SLC2A1: variants seen among roughly 807,000 people sequenced by gnomAD.
The protein encoded by SLC2A1 is solute carrier family 2, facilitated glucose transporter member 1.
A neutral mutation model predicts 46.6 loss-of-function variants in SLC2A1; 4 were observed. The ratio of observed to expected loss-of-function variants is 0.09; its 90% CI spans 0.04 to 0.20. The LOEUF is 0.20. SLC2A1 is among the 10% of genes least tolerant of loss of function. The pLI is 1.00. For synonymous variants in SLC2A1, 253 were observed against 270.0 expected (o/e 0.94, Z 0.62); for missense variants, 352 against 667.0 (o/e 0.53, Z 5.20).
Position 42,936,254 on chromosome 1 carries a change from C to T in SLC2A1, c.115-5048G>A, listed in dbSNP as rs1643541635. On this transcript the variant is annotated intron_variant, in intron 2 of 9. Coordinates refer to ENST00000426263, the MANE Select transcript of SLC2A1 (RefSeq NM_006516.4). Reference sequence around the variant, plus strand: ...TGTGGGGAAGAAGGGGCTAAACTGCCAGCCAAGCTTTCAGCGCCAGTTACA... The same window carrying T: ...TGTGGGGAAGAAGGGGCTAAACTGCTAGCCAAGCTTTCAGCGCCAGTTACA... Among the ~76,000 whole-genome samples the T allele has an allele frequency of 2.0e-5, 3 of 152,322 alleles. No individual in the cohort carries two copies. The South Asian group carries it at 6.2e-4, about 32-fold the overall frequency.
intron 2 of SLC2A1, among the ~76,000 whole-genome samples, chr1:42,932,892 G>A (rs571993460): frequency 1.1e-3 from 160 of 152,340 alleles, no homozygotes; most frequent in African/African-American, 3.5e-3. Context: ...TCCAAGGGGC[G>A]AGGACAGTTG....
intron 1 of SLC2A1, among the ~76,000 whole-genome samples, chr1:42,956,399 T>C (rs1410129092): frequency 1.9e-5 from 1 of 53,954 alleles, no homozygotes; most frequent in Admixed American, 2.3e-4. Flanking sequence ...CCGTCTCTAC[T>C]AAAACTACAA....
chr1:42,957,352 T>G (rs1218602843), intron 1 of SLC2A1, among the ~76,000 whole-genome samples: 1 of 152,176 alleles, frequency 6.6e-6, no homozygotes, highest in Non-Finnish European at 1.5e-5. Context: ...ATTTATGGAT[T>G]CAACAGGTGT....
chr1:42,941,654 G>A (rs1425734406), intron 2 of SLC2A1, among the ~76,000 whole-genome samples: 1 of 152,190 alleles, frequency 6.6e-6, no homozygotes, highest in Non-Finnish European at 1.5e-5. Context: ...CAGCATCCCA[G>A]ACCAATTAAA....
chr1:42,928,683 G>A (rs1354750686), intron 8 of SLC2A1, among the ~76,000 whole-genome samples: 1 of 152,152 alleles, frequency 6.6e-6, no homozygotes, highest in Admixed American at 6.5e-5. Flanking sequence ...TCCTTAAGGA[G>A]GTGAGAGTTT....
intron 1 of SLC2A1, among the ~76,000 whole-genome samples, chr1:42,951,389 G>A (rs903408286): frequency 2.6e-5 from 4 of 152,176 alleles, no homozygotes; most frequent in African/African-American, 7.2e-5. Context: ...TACATATTGT[G>A]TAAGGAACAG....
intron 1 of SLC2A1, among the ~76,000 whole-genome samples, chr1:42,958,336 C>A (rs1643803107): frequency 1.3e-5 from 2 of 151,124 alleles, no homozygotes; most frequent in Admixed American, 1.3e-4. Flanking sequence ...GTCCCCAGCC[C>A]CAGCAGGGCC....
At chr1:42,945,537 C>T (rs1643644575) in intron 1 of SLC2A1, among the ~76,000 whole-genome samples, 1 of 151,888 alleles carries the variant, frequency 6.6e-6, no homozygotes, top group African/African-American at 2.4e-5. Flanking sequence ...AGCTTGAGGC[C>T]AGGAGTTCGA....
intron 2 of SLC2A1, among the ~76,000 whole-genome samples, chr1:42,933,452 C>T (rs528411330): frequency 1.4e-4 from 22 of 152,278 alleles, no homozygotes; most frequent in Admixed American, 1.4e-3. Flanking sequence ...AGTTGATTCA[C>T]ACCATGGTCT....
chr1:42,943,519 G>A (rs772314996), intron 1 of SLC2A1, among the ~76,000 whole-genome samples, 198 bp from the exon 2 acceptor site: 1 of 152,138 alleles, frequency 6.6e-6, no homozygotes, highest in Non-Finnish European at 1.5e-5. Flanking sequence ...ATACTGGGCT[G>A]GCCGGGCCAT....
chr1:42,958,748 G>T lies in SLC2A1; in HGVS notation c.-97C>A. ...CCGCTCAGGCTCGTGCTCCGGTCCG[G>T]GGACTCCCACTGCGACTCTGACTCC... On this transcript the variant is annotated 5_prime_UTR_variant, in exon 1 of 10. Transcript: ENST00000426263. 7.6e-7 allele frequency: 1 copy of T among 1,319,926 alleles called. No individual in the cohort carries two copies. Among genetic ancestry groups the T allele is most frequent in the Non-Finnish European group, 1.0e-6 (1 of 959,620 alleles). The allele number at this position is 1,319,926 out of a possible 1,614,324, so 81.8% of individuals were successfully genotyped here. A position where few individuals can be genotyped will look rare whatever the true frequency, so the allele number is the denominator to read the frequency against.
intron 1 of SLC2A1, among the ~76,000 whole-genome samples, chr1:42,955,537 G>A (rs1643763409): frequency 6.6e-6 from 1 of 152,184 alleles, no homozygotes; most frequent in Non-Finnish European, 1.5e-5. Context: ...TTGAGCCTGG[G>A]AGGTAGAGGT....
At chr1:42,931,827 CAAAAAAAAAA>C (rs35734592) in intron 2 of SLC2A1, among the ~76,000 whole-genome samples, 3 of 106,272 alleles carry the variant, frequency 2.8e-5, no homozygotes, top group South Asian at 6.8e-4. Flanking sequence ...CTCTATGTCT[CAAAAAAAAAA>C]AAAAAAAAAG....
chr1:42,946,340 T>C (rs1348450454), intron 1 of SLC2A1, among the ~76,000 whole-genome samples: 1 of 152,176 alleles, frequency 6.6e-6, no homozygotes, highest in East Asian at 1.9e-4. Flanking sequence ...CAGTGACCCA[T>C]GCTCTAGGTC....
rs565582103 is a variant in SLC2A1, at chr1:42,955,995, C to T, written c.18+2639G>A. ...AACCAAGGCTTTGGAGCCAGACACACCTGGTTTTCAGATCTTGTGTGAAAG... is the reference window on the plus strand; with the variant it reads ...AACCAAGGCTTTGGAGCCAGACACATCTGGTTTTCAGATCTTGTGTGAAAG... On this transcript the variant is annotated intron_variant, in intron 1 of 9. Coordinates refer to ENST00000426263, the MANE Select transcript of SLC2A1 (RefSeq NM_006516.4). 5.9e-5 allele frequency among the ~76,000 whole-genome samples: 9 copies of T among 152,274 alleles called. No homozygotes were observed. The South Asian group carries it at 1.7e-3, about 28-fold the overall frequency.
chr1:42,930,998 G>A lies in SLC2A1; in HGVS notation c.275+48C>T. The A allele has an allele frequency of 1.2e-6, 2 of 1,612,600 alleles. No homozygotes were observed. The highest frequency in any genetic ancestry group is 1.7e-6 in the Non-Finnish European group (2 of 1,179,348). The stretch of plus-strand genomic sequence containing the variant: ...CACCCCATCTGGGACTCCCTGGGCA[G>A]GAGGGCATGGGCCCTCCAAGGGCAG... On this transcript the variant is annotated intron_variant, in intron 3 of 9. Transcript: ENST00000426263. This position sits in a 1 kb window ranked among gnomAD's most constrained non-coding sequence, Gnocchi z 6.2.
At chr1:42,955,779 G>A (rs1190009864) in intron 1 of SLC2A1, among the ~76,000 whole-genome samples, 1 of 152,120 alleles carries the variant, frequency 6.6e-6, no homozygotes, top group Non-Finnish European at 1.5e-5. Context: ...TCTGGGGCAG[G>A]GCTCACCCTT....
intron 2 of SLC2A1, among the ~76,000 whole-genome samples, chr1:42,934,885 G>T (rs1396713788): frequency 1.3e-5 from 2 of 152,134 alleles, no homozygotes; most frequent in Admixed American, 1.3e-4. Context: ...CAGGCAGCCT[G>T]CCCTGGGTCT....
At chr1:42,952,277 C>T in intron 1 of SLC2A1, 2 of 421,178 alleles carry the variant, frequency 4.7e-6, no homozygotes, top group South Asian at 3.4e-5. Flanking sequence ...ATCAAGCCCA[C>T]AAATAGCCCG....
Sources: allele counts gnomAD v4.1 joint callset (sites outside exome capture counted in the v4.1 genomes callset), GRCh38; gene constraint gnomAD v4.1.1; non-coding constraint Gnocchi (gnomAD v3.1); transcripts MANE v1.5; gene names NCBI Gene and HGNC (gene_info 2026-07-23, HGNC 2026-07-21).